TMCO5A: variants seen among roughly 807,000 people sequenced by gnomAD.
TMCO5A encodes the protein transmembrane and coiled-coil domains 5A, also known as transmembrane and coiled-coil domain-containing protein 5A.
A neutral mutation model predicts 42.3 loss-of-function variants in TMCO5A; 34 were observed. The ratio of observed to expected loss-of-function variants is 0.80; its 90% CI spans 0.61 to 1.07. TMCO5A has a LOEUF of 1.07. Among genes scored for constraint, TMCO5A ranks in the 50% least tolerant of loss-of-function variants. The pLI is 0.00. For missense variants in TMCO5A, 357 were observed against 327.9 expected, an observed-to-expected ratio of 1.09 and a Z score of -0.69; for synonymous variants, 131 against 115.6, an observed-to-expected ratio of 1.13 and a Z score of -0.86.
intron 5 of TMCO5A, among the ~76,000 whole-genome samples, chr15:37,937,790 G>A (rs976549861): frequency 2.6e-5 from 4 of 151,984 alleles, no homozygotes; most frequent in Admixed American, 2.6e-4. Context: ...CCTTTTTCTT[G>A]TCTAGCCATT....
chr15:37,958,517 A>G (rs912834299), intron 11 of TMCO5A, among the ~76,000 whole-genome samples: 7 of 152,174 alleles, frequency 4.6e-5, no homozygotes, highest in Middle Eastern at 3.2e-3. Context: ...CATTAGAGAA[A>G]TGCAAATCAA....
chr15:37,937,013 C>T, intron 4 of TMCO5A, 43 bp downstream of exon 4: 2 of 1,606,964 alleles, frequency 1.2e-6, no homozygotes, highest in South Asian at 1.1e-5. Flanking sequence ...GGTTGCATTC[C>T]TCATTCCATC....
intron 11 of TMCO5A, among the ~76,000 whole-genome samples, chr15:37,961,692 G>C (rs375705040): frequency 6.6e-6 from 1 of 151,964 alleles, no homozygotes; most frequent in Non-Finnish European, 1.5e-5. Context: ...CCATTTGTTT[G>C]TCATCTATGA....
chr15:38,022,107 G>T, the TMCO5A span, among the ~76,000 whole-genome samples: 14 of 152,240 alleles, frequency 9.2e-5, no homozygotes, highest in South Asian at 2.9e-3. Flanking sequence ...ATCACACCCG[G>T]CCAGTTTCTT....
At chr15:37,997,977 T>G in the TMCO5A span, among the ~76,000 whole-genome samples, 1 of 152,240 alleles carries the variant, frequency 6.6e-6, no homozygotes, top group Admixed American at 6.5e-5. Context: ...TTCATATGCC[T>G]GCTTGCCATT....
At chr15:38,016,166 G>C in the TMCO5A span, among the ~76,000 whole-genome samples, 4 of 152,044 alleles carry the variant, frequency 2.6e-5, no homozygotes, top group South Asian at 6.2e-4. Flanking sequence ...TGGAGGCAGG[G>C]GCTATATGGG....
At chr15:37,997,750 T>C in the TMCO5A span, among the ~76,000 whole-genome samples, 1 of 152,218 alleles carries the variant, frequency 6.6e-6, no homozygotes, top group Non-Finnish European at 1.5e-5. Flanking sequence ...CTGGGTCATA[T>C]GGTATTTCTA....
the TMCO5A span, among the ~76,000 whole-genome samples, chr15:38,005,299 A>G: frequency 1.4e-5 from 2 of 147,440 alleles, no homozygotes; most frequent in African/African-American, 5.0e-5. Flanking sequence ...CACCAGACTG[A>G]GCACAATGGC....
chr15:38,017,351 G>T, the TMCO5A span, among the ~76,000 whole-genome samples: 1 of 152,078 alleles, frequency 6.6e-6, no homozygotes, highest in Admixed American at 6.6e-5. Flanking sequence ...CGAGAAGCAG[G>T]AGTGGGTCAT....
chr15:38,005,395 CAAA>C, the TMCO5A span, among the ~76,000 whole-genome samples: 4 of 44,038 alleles, frequency 9.1e-5, no homozygotes, highest in African/African-American at 3.4e-4. Context: ...CCATCTCTAC[CAAA>C]AAAAAAAAAA....
intron 10 of TMCO5A, chr15:37,944,491 A>G (rs1889863404): frequency 6.6e-6 from 1 of 152,164 alleles, no homozygotes; most frequent in Non-Finnish European, 1.5e-5. Flanking sequence ...AGGATGCCTG[A>G]GAACTGACTG....
downstream of TMCO5A, among the ~76,000 whole-genome samples, chr15:37,971,000 T>C (rs980896406): frequency 3.3e-5 from 5 of 152,186 alleles, no homozygotes; most frequent in Non-Finnish European, 7.4e-5. Flanking sequence ...CATTCTGGGA[T>C]CTGGAGGATG....
chr15:37,959,792 A>G (rs1890376674), intron 11 of TMCO5A, among the ~76,000 whole-genome samples: 2 of 152,004 alleles, frequency 1.3e-5, no homozygotes, highest in African/African-American at 4.8e-5. Context: ...CACTTTCATG[A>G]CTGTTATTCA....
chr15:37,996,388 G>A, the TMCO5A span, among the ~76,000 whole-genome samples: 30 of 152,286 alleles, frequency 2.0e-4, no homozygotes, highest in East Asian at 4.2e-3. Context: ...CAACGTGGGC[G>A]CCTTCCAGGC....
At chr15:37,944,297 C>T (rs948739107) in intron 10 of TMCO5A, 3 of 152,074 alleles carry the variant, frequency 2.0e-5, no homozygotes, top group Non-Finnish European at 2.9e-5. Context: ...GAAATTAACT[C>T]GACCCACTTC....
At chr15:38,015,804 A>G in the TMCO5A span, among the ~76,000 whole-genome samples, 2 of 152,234 alleles carry the variant, frequency 1.3e-5, no homozygotes, top group African/African-American at 2.4e-5. Flanking sequence ...AAGAAGCCCA[A>G]CTGAAAAGGC....
At chr15:37,943,494 T>G (rs1889827493) in intron 10 of TMCO5A, 96 bp downstream of exon 10, 1 of 1,219,946 alleles carries the variant, frequency 8.2e-7, no homozygotes, top group South Asian at 1.3e-5. Context: ...TACCCAATCT[T>G]GCCATGCGCA....
chr15:37,975,141 G>C, the TMCO5A span, among the ~76,000 whole-genome samples: 2 of 152,162 alleles, frequency 1.3e-5, no homozygotes, highest in East Asian at 1.9e-4. Context: ...AATTTGCTAA[G>C]GATTGTTTTA....
the TMCO5A span, among the ~76,000 whole-genome samples, chr15:37,983,449 G>A: frequency 6.6e-6 from 1 of 152,212 alleles, no homozygotes; most frequent in Non-Finnish European, 1.5e-5. Context: ...AACAGGCATT[G>A]AGCAGATGGC....
Sources: gnomAD v4.1 joint callset for allele counts (sites outside exome capture counted in the v4.1 genomes callset) on GRCh38, gnomAD v4.1.1 for gene constraint, MANE v1.5 for transcripts, NCBI Gene and HGNC (gene_info 2026-07-23, HGNC 2026-07-21) for gene names.